Variants in OLA1 observed in about 807,000 individuals in gnomAD.
OLA1 encodes Obg like ATPase 1, also known as obg-like ATPase 1.
Under a neutral mutation model 48.4 loss-of-function variants are expected in OLA1, and 14 were observed. That is an observed-to-expected ratio of 0.29 (90% CI 0.19 to 0.45). The LOEUF is 0.45. Among genes scored for constraint, OLA1 ranks in the 20% least tolerant of loss-of-function variants. The probability of loss-of-function intolerance (pLI) is 1.00; values close to 1 mark genes in which losing one functional copy is unlikely to be tolerated. For synonymous variants in OLA1, 127 were observed against 150.4 expected, an observed-to-expected ratio of 0.84 and a Z score of 1.14; for missense variants, 325 against 467.1, an observed-to-expected ratio of 0.70 and a Z score of 2.80.
At chr2:174,124,821 T>C (rs1485922968) in intron 5 of OLA1, among the ~76,000 whole-genome samples, 4 of 152,184 alleles carry the variant, frequency 2.6e-5, no homozygotes, top group Non-Finnish European at 5.9e-5. Context: ...TATCTCAATA[T>C]TTAGTATACC....
At chr2:174,203,269 T>A (rs1187765842) in intron 4 of OLA1, among the ~76,000 whole-genome samples, 1 of 151,976 alleles carries the variant, frequency 6.6e-6, no homozygotes, top group Admixed American at 6.6e-5. Context: ...AAAGAAAGGG[T>A]GATGAGAAGA....
At chr2:174,087,273 G>A (rs984475638) in intron 7 of OLA1, among the ~76,000 whole-genome samples, 11 of 151,940 alleles carry the variant, frequency 7.2e-5, no homozygotes, top group Non-Finnish European at 1.3e-4. Flanking sequence ...TGATCCACCC[G>A]CCTCGGCCTC....
chr2:174,104,153 T>TA (rs59961287), intron 7 of OLA1, among the ~76,000 whole-genome samples: 63,631 of 147,096 alleles, frequency 0.43, 14,169 homozygotes, highest in East Asian at 0.94. Flanking sequence ...AAATACAAAT[T>TA]AAAAAAAAAA....
chr2:174,115,146 T>C (rs1441661095), intron 7 of OLA1, among the ~76,000 whole-genome samples: 1 of 151,918 alleles, frequency 6.6e-6, no homozygotes. Flanking sequence ...TCAAGGCCAA[T>C]GTAATAGTGT....
At chr2:174,170,335 A>G (rs993106648) in intron 4 of OLA1, among the ~76,000 whole-genome samples, 1 of 152,236 alleles carries the variant, frequency 6.6e-6, no homozygotes, top group Admixed American at 6.5e-5. Context: ...TGTAATCACT[A>G]GAGCAATCAC....
At chr2:174,143,850 T>TCACA (rs10653803) in intron 4 of OLA1, among the ~76,000 whole-genome samples, 28,100 of 152,034 alleles carry the variant, frequency 0.18, 2,838 homozygotes, top group African/African-American at 0.26. Context: ...ACACCTGTAA[T>TCACA]CCCAGCACTT....
At chr2:174,140,633 G>T (rs1686425467) in intron 5 of OLA1, among the ~76,000 whole-genome samples, 1 of 152,104 alleles carries the variant, frequency 6.6e-6, no homozygotes, top group African/African-American at 2.4e-5. Flanking sequence ...CTCCCAAAGT[G>T]CTGGAATTAC....
intron 4 of OLA1, among the ~76,000 whole-genome samples, chr2:174,144,524 C>T (rs1411912245): frequency 1.3e-5 from 2 of 152,158 alleles, no homozygotes; most frequent in African/African-American, 4.8e-5. Context: ...GGTAACTTCT[C>T]ATTTCTTAGA....
At chr2:174,110,515 G>A (rs1435618015) in intron 7 of OLA1, among the ~76,000 whole-genome samples, 2 of 151,802 alleles carry the variant, frequency 1.3e-5, no homozygotes, top group Non-Finnish European at 2.9e-5. Context: ...CACAATCAAA[G>A]CTTACTGCAG....
chr2:174,123,584 T>G lies in OLA1; in HGVS notation c.630+11A>C. 6.5e-7 allele frequency: 1 copy of G among 1,534,174 alleles called. No homozygotes were observed. The highest frequency in any genetic ancestry group is 8.9e-7 in the Non-Finnish European group (1 of 1,126,954). On this transcript the variant is annotated intron_variant, in intron 6 of 10. Transcript: ENST00000284719. ...AAGGCAGTAATAGATGGCATGATAT[T>G]TACAACTTACCTCTTTGTCATTCCA...
At chr2:174,184,440 T>C (rs10196308) in intron 4 of OLA1, among the ~76,000 whole-genome samples, 1 of 152,190 alleles carries the variant, frequency 6.6e-6, no homozygotes, top group East Asian at 1.9e-4. Context: ...CTATAAAATA[T>C]CTGAACAGTG....
At chr2:174,217,767 C>T (rs563964210) in intron 4 of OLA1, 1 of 152,206 alleles carries the variant, frequency 6.6e-6, no homozygotes, top group South Asian at 2.1e-4. Context: ...TAAATGGAAT[C>T]ATAGTATACG....
At chr2:174,232,386 C>G (rs1464063073) in intron 2 of OLA1, among the ~76,000 whole-genome samples, 1 of 152,136 alleles carries the variant, frequency 6.6e-6, no homozygotes, top group African/African-American at 2.4e-5. Flanking sequence ...TATAACTAAA[C>G]TGTTAAAAGC....
At chr2:174,102,527 C>T (rs902771596) in intron 7 of OLA1, among the ~76,000 whole-genome samples, 3 of 151,752 alleles carry the variant, frequency 2.0e-5, no homozygotes, top group African/African-American at 7.3e-5. Flanking sequence ...GAGAAAAGCA[C>T]ATAGAATGAA....
At chr2:174,152,426 TA>T (rs1328455610) in intron 4 of OLA1, among the ~76,000 whole-genome samples, 6 of 151,818 alleles carry the variant, frequency 4.0e-5, no homozygotes, top group Non-Finnish European at 7.4e-5. Flanking sequence ...AAAAAAAAGT[TA>T]AAAAGTGGGA....
At chr2:174,191,240 A>G (rs977828266) in intron 4 of OLA1, among the ~76,000 whole-genome samples, 8 of 150,600 alleles carry the variant, frequency 5.3e-5, no homozygotes, top group African/African-American at 1.5e-4. Context: ...TTTATACTTA[A>G]AAATATATGT....
intron 4 of OLA1, among the ~76,000 whole-genome samples, chr2:174,157,192 G>A (rs762986572): frequency 2.0e-5 from 3 of 152,152 alleles, no homozygotes; most frequent in Non-Finnish European, 4.4e-5. Flanking sequence ...AATGTTTACT[G>A]GATGTTAATC....
At chr2:174,117,437 C>T (rs1223262681) in intron 7 of OLA1, among the ~76,000 whole-genome samples, 1 of 152,184 alleles carries the variant, frequency 6.6e-6, no homozygotes, top group East Asian at 1.9e-4. Flanking sequence ...ACACACCCAA[C>T]TCCTTGATAG....
intron 10 of OLA1, among the ~76,000 whole-genome samples, chr2:174,078,327 CTAAG>C (rs1025452645): frequency 1.3e-5 from 2 of 151,916 alleles, no homozygotes; most frequent in African/African-American, 4.8e-5. Context: ...CTAGATTTCT[CTAAG>C]TAACATCTAA....
Sources: gnomAD v4.1 joint callset for allele counts (sites outside exome capture counted in the v4.1 genomes callset) on GRCh38, gnomAD v4.1.1 for gene constraint, MANE v1.5 for transcripts, NCBI Gene and HGNC (gene_info 2026-07-23, HGNC 2026-07-21) for gene names.